FRY: variants seen among roughly 807,000 people sequenced by gnomAD.
FRY encodes protein furry homolog.
Under a neutral mutation model 348.4 loss-of-function variants are expected in FRY, and 128 were observed. That is an observed-to-expected ratio of 0.37 (90% CI 0.32 to 0.43). The LOEUF (loss-of-function observed/expected upper bound fraction) is 0.43, where lower values mean the gene tolerates loss of function less well. Ranked by LOEUF, FRY falls within the 20% of genes least tolerant of loss-of-function variation. The pLI is 1.00. For synonymous variants in FRY, 1,370 were observed against 1,374.7 expected (o/e 1.00, Z 0.08); for missense variants, 2,736 against 3,695.2 (o/e 0.74, Z 6.73).
intron 23 of FRY, among the ~76,000 whole-genome samples, chr13:32,181,411 A>G (rs1443990847): frequency 2.0e-5 from 3 of 151,446 alleles, no homozygotes; most frequent in East Asian, 3.9e-4. Context: ...CCTGGGCAAC[A>G]TGGTGAAATC....
At position 32,295,235 on chromosome 13, in the gene FRY, T is replaced by A. The variant is rs776809450; in HGVS notation, c.8817T>A (p.Ser2939Arg). 1.2e-5 allele frequency: 20 copies of A among 1,613,836 alleles called. No homozygotes were observed. The East Asian group carries it at 2.7e-4, about 22-fold the overall frequency. ...GGCCCAATGACATCTTTGGAAGCAG[T>A]TCTGATGATGAGGTCCAGACACTAC... is the stretch of plus-strand genomic sequence containing the variant. ...SLWPNDIFGS[S>R]SDDEVQTLLN... Residue 2939 changes from serine to arginine, a missense_variant, in exon 61 of 61, where the codon AGT becomes AGA. Around this residue, in one of 9 missense-constraint regions of FRY, gnomAD observed 157 missense variants for 215.2 expected, o/e 0.73. Coordinates refer to ENST00000542859, the MANE Select transcript of FRY (RefSeq NM_023037.3).
At chr13:32,113,449 A>G (rs1158213098) in intron 3 of FRY, among the ~76,000 whole-genome samples, 2 of 152,242 alleles carry the variant, frequency 1.3e-5, no homozygotes, top group Non-Finnish European at 2.9e-5. Flanking sequence ...CTTTTGGCCT[A>G]TTTATACATA....
At chr13:32,147,782 A>T in intron 12 of FRY, 57 bp from the exon 13 acceptor site, 1 of 959,052 alleles carries the variant, frequency 1.0e-6, no homozygotes, top group Non-Finnish European at 1.7e-6. Context: ...ATTTTCCCTT[A>T]AAGAACTGGA....
intron 1 of FRY, among the ~76,000 whole-genome samples, chr13:32,045,611 A>C (rs896581216): frequency 6.6e-6 from 1 of 152,222 alleles, no homozygotes; most frequent in Non-Finnish European, 1.5e-5. Context: ...AATTAATTTC[A>C]TTGGCGATGT....
At chr13:32,293,817 CTT>C (rs1593863039) in intron 59 of FRY, among the ~76,000 whole-genome samples, 1 of 152,154 alleles carries the variant, frequency 6.6e-6, no homozygotes, top group African/African-American at 2.4e-5. Context: ...GTGAGAAAAA[CTT>C]ATTATTAGGA....
intron 17 of FRY, among the ~76,000 whole-genome samples, chr13:32,164,552 G>A (rs1881624430): frequency 6.6e-6 from 1 of 152,152 alleles, no homozygotes; most frequent in African/African-American, 2.4e-5. Context: ...ATACAACGAA[G>A]CTGGAAAACT....
chr13:32,036,058 C>T (rs1307255327), intron 1 of FRY, among the ~76,000 whole-genome samples: 1 of 152,198 alleles, frequency 6.6e-6, no homozygotes, highest in East Asian at 1.9e-4. Context: ...CTCAGATTCT[C>T]TGCAGAGCAG....
At chr13:32,216,092 A>G (rs961090668) in intron 35 of FRY, among the ~76,000 whole-genome samples, 2 of 152,178 alleles carry the variant, frequency 1.3e-5, no homozygotes, top group African/African-American at 2.4e-5. Flanking sequence ...AGCTAAATCA[A>G]CAAGGTAAAA....
chr13:32,279,091 A>C (rs1888689300), intron 58 of FRY, among the ~76,000 whole-genome samples: 1 of 152,236 alleles, frequency 6.6e-6, no homozygotes, highest in Non-Finnish European at 1.5e-5. Context: ...CATGAGCAAC[A>C]GACAAGGCCT....
chr13:32,177,328 A>G (rs1882425205), intron 20 of FRY, among the ~76,000 whole-genome samples: 1 of 152,142 alleles, frequency 6.6e-6, no homozygotes, highest in East Asian at 1.9e-4. Flanking sequence ...GTGGTTCACG[A>G]CTATAATCCC....
intron 36 of FRY, 128 bp from the exon 37 acceptor site, chr13:32,224,107 T>A (rs1159458654): frequency 5.3e-5 from 48 of 911,296 alleles, no homozygotes; most frequent in Non-Finnish European, 7.3e-5. Context: ...CTAAAAAAAA[T>A]TTAAAAATGA....
intron 34 of FRY, 82 bp downstream of exon 34, chr13:32,211,116 G>A: frequency 7.7e-7 from 1 of 1,306,654 alleles, no homozygotes; most frequent in Non-Finnish European, 1.1e-6. Flanking sequence ...ATATGAGAAT[G>A]TGTTTGTTAC....
At chr13:32,035,473 A>G (rs1872462621) in intron 1 of FRY, among the ~76,000 whole-genome samples, 1 of 152,220 alleles carries the variant, frequency 6.6e-6, no homozygotes, top group South Asian at 2.1e-4. Context: ...GGTTTGCTAG[A>G]GAACAAGTTT....
In FRY at chr13:32,175,618, G is replaced by T. The variant is rs377242466; in HGVS notation, c.2407G>T (p.Ala803Ser). The T allele has an allele frequency of 3.1e-5, 49 of 1,593,730 alleles. No homozygotes were observed. The African/African-American group carries it at 6.3e-4, about 20-fold the overall frequency. Residue 803 changes from alanine to serine, a missense_variant, in exon 20 of 61, where the codon GCA (alanine) becomes TCA (serine). Around this residue, in one of 9 missense-constraint regions of FRY, gnomAD observed 449 missense variants for 576.9 expected, o/e 0.78. Coordinates refer to ENST00000542859, the MANE Select transcript of FRY (RefSeq NM_023037.3). The stretch of plus-strand genomic sequence containing the variant: ...CATTCTAGAAAGTTTTATTCATGTA[G>T]CAGTTTCGGATTCAGTAAGTACACA... ...SSILESFIHV[A>S]VSDSATLPLT...
In FRY at chr13:32,178,455, T is replaced by G. The variant is rs372911202; in HGVS notation, c.2681+19T>G. The G allele has an allele frequency of 4.2e-5, 67 of 1,613,884 alleles. 1 individual carries two copies. Among genetic ancestry groups the G allele is most frequent in the Admixed American group, 3.7e-4 (22 of 59,998 alleles). On this transcript the variant is annotated intron_variant, in intron 21 of 60. Transcript: ENST00000542859. ...ACCCAAAGTAAGGGATTCTTGTGTT[T>G]TCCTCTGCCCTCTTGTTTTTCCATT...
At chr13:32,081,620 T>A (rs2138542478) in intron 2 of FRY, among the ~76,000 whole-genome samples, 1 of 152,340 alleles carries the variant, frequency 6.6e-6, no homozygotes, top group Non-Finnish European at 1.5e-5. Flanking sequence ...CCACTACCTC[T>A]GGCCTTTTTA....
rs1566147623 is a variant in FRY, at chr13:32,225,981, G to A, written c.5206+7G>A. ...CCTGAATATCTCTATACAGGTAACAGAGAAGGACTGGTAGAGAGCCTAGGA... is the reference window on the plus strand; with the variant it reads ...CCTGAATATCTCTATACAGGTAACAAAGAAGGACTGGTAGAGAGCCTAGGA... On this transcript the variant is annotated splice_region_variant and intron_variant, in intron 39 of 60. Transcript: ENST00000542859. The A allele has an allele frequency of 1.2e-6, 2 of 1,612,702 alleles. No homozygotes were observed. The highest frequency in any genetic ancestry group is 3.3e-4 in the Middle Eastern group (2 of 6,054).
At chr13:32,243,412 G>A (rs1466205579) in intron 46 of FRY, among the ~76,000 whole-genome samples, 1 of 152,076 alleles carries the variant, frequency 6.6e-6, no homozygotes, top group Non-Finnish European at 1.5e-5. Context: ...AAATCTTAAT[G>A]TCTATCTCTG....
intron 1 of FRY, among the ~76,000 whole-genome samples, chr13:32,036,138 C>A (rs1872501781): frequency 6.6e-6 from 1 of 152,142 alleles, no homozygotes; most frequent in Non-Finnish European, 1.5e-5. Flanking sequence ...AAGAAAATCT[C>A]AAAATTAATT....
Sources: gnomAD v4.1 joint callset for allele counts (sites outside exome capture counted in the v4.1 genomes callset) on GRCh38, gnomAD v4.1.1 for gene constraint, gnomAD v4.1.1 regional missense constraint, MANE v1.5 for transcripts, NCBI Gene and HGNC (gene_info 2026-07-23, HGNC 2026-07-21) for gene names.